The following SCAP variants were observed in gnomAD, a reference collection of about 807,000 sequenced individuals.
The protein encoded by SCAP is sterol regulatory element-binding protein cleavage-activating protein.
A neutral mutation model predicts 123.6 loss-of-function variants in SCAP; 65 were observed. That is an observed-to-expected ratio of 0.53 (90% CI 0.43 to 0.65). The LOEUF is 0.65. Ranked by LOEUF, SCAP falls within the 30% of genes least tolerant of loss-of-function variation. The pLI, the probability that SCAP is intolerant of heterozygous loss-of-function variation, is 0.00. For missense variants in SCAP, 1,398 were observed against 1,712.5 expected (o/e 0.82, Z 3.24); for synonymous variants, 740 against 726.3 (o/e 1.02, Z -0.30).
chr3:47,435,189 C>T (rs563313871), intron 2 of SCAP, 52 bp from the exon 3 acceptor site: 42 of 1,553,800 alleles, frequency 2.7e-5, no homozygotes, highest in Non-Finnish European at 3.4e-5. Context: ...AGGCAGTCCT[C>T]TCTCAGCACT....
At chr3:47,445,909 CT>C (rs535002338) in intron 1 of SCAP, among the ~76,000 whole-genome samples, 1,833 of 140,914 alleles carry the variant, frequency 0.013, 39 homozygotes, top group African/African-American at 0.046. Flanking sequence ...CAGAGTCTTG[CT>C]CTGTCACCAG....
chr3:47,431,170 A>C (rs1422410108), intron 3 of SCAP, among the ~76,000 whole-genome samples: 1 of 33,094 alleles, frequency 3.0e-5, no homozygotes, highest in Non-Finnish European at 7.9e-5. Flanking sequence ...CCAGAACAGA[A>C]GCTCACACAG....
At chr3:47,459,314 A>G (rs1707540786) in intron 1 of SCAP, among the ~76,000 whole-genome samples, 1 of 152,198 alleles carries the variant, frequency 6.6e-6, no homozygotes, top group African/African-American at 2.4e-5. Flanking sequence ...GATTTCCTGC[A>G]AGAAGCGTGC....
At chr3:47,423,009 C>T (rs1028515703) in intron 9 of SCAP, among the ~76,000 whole-genome samples, 2 of 152,196 alleles carry the variant, frequency 1.3e-5, no homozygotes, top group African/African-American at 2.4e-5. Flanking sequence ...CCTGATCCCA[C>T]GCTATCACAC....
chr3:47,414,448 T>C, intron 21 of SCAP, 62 bp from the exon 22 acceptor site: 1 of 1,602,172 alleles, frequency 6.2e-7, no homozygotes, highest in South Asian at 1.1e-5. Context: ...AACAGTGGTG[T>C]CCCTGTGCCC....
At chr3:47,474,138 G>A (rs1251407935) in intron 1 of SCAP, among the ~76,000 whole-genome samples, 3 of 151,988 alleles carry the variant, frequency 2.0e-5, no homozygotes, top group Non-Finnish European at 2.9e-5. Context: ...GGTGGCGGGC[G>A]CCTGTAGTCC....
chr3:47,428,882 A>C, intron 3 of SCAP: 1 of 514,752 alleles, frequency 1.9e-6, no homozygotes, highest in Admixed American at 3.7e-5. Context: ...ATGAGATAAA[A>C]GAACTGGCTG....
Position 47,418,124 on chromosome 3 carries a change from C to A in SCAP, c.2447+10G>T. 1 of 1,545,314 alleles carries A rather than the reference C, an allele frequency of 6.5e-7. No homozygotes were observed. On this transcript the variant is annotated intron_variant, in intron 16 of 22. Coordinates refer to ENST00000265565, the MANE Select transcript of SCAP (RefSeq NM_012235.4). ...GGGGGCACAAAGGAGGAAAGGGCAG[C>A]CGCACCTACCCTGGGCGCGGAATGC... is the stretch of plus-strand genomic sequence containing the variant.
intron 1 of SCAP, among the ~76,000 whole-genome samples, chr3:47,454,093 T>C (rs986696190): frequency 1.6e-4 from 24 of 152,214 alleles, no homozygotes; most frequent in Admixed American, 3.3e-4. Context: ...ACAGGCCGGG[T>C]GCGGTGGCTC....
At chr3:47,437,277 T>C (rs1460497448) in intron 2 of SCAP, among the ~76,000 whole-genome samples, 1 of 150,624 alleles carries the variant, frequency 6.6e-6, no homozygotes, top group Non-Finnish European at 1.5e-5. Flanking sequence ...CTGTCTCTAC[T>C]AAAAATTCAA....
intron 1 of SCAP, among the ~76,000 whole-genome samples, chr3:47,466,983 C>A (rs1222072981): frequency 6.6e-6 from 1 of 151,666 alleles, no homozygotes; most frequent in African/African-American, 2.4e-5. Flanking sequence ...GTTTCAGCTA[C>A]TTGAGAGGCT....
intron 7 of SCAP, among the ~76,000 whole-genome samples, 172 bp downstream of exon 7, chr3:47,425,825 G>A (rs910449688): frequency 1.4e-4 from 21 of 151,946 alleles, no homozygotes; most frequent in Non-Finnish European, 2.8e-4. Flanking sequence ...GAAGAGCCCC[G>A]GCCCCACCCA....
intron 7 of SCAP, 73 bp downstream of exon 7, chr3:47,425,924 C>T (rs1434654980): frequency 3.9e-6 from 6 of 1,543,440 alleles, no homozygotes; most frequent in Non-Finnish European, 5.3e-6. Context: ...ACCTCCAGAG[C>T]CAGGGAAGCA....
chr3:47,428,874 G>A, intron 3 of SCAP: 1 of 531,378 alleles, frequency 1.9e-6, no homozygotes. Flanking sequence ...CTCCGCTTAT[G>A]AGATAAAAGA....
At chr3:47,460,407 T>C (rs1477170498) in intron 1 of SCAP, among the ~76,000 whole-genome samples, 2 of 152,232 alleles carry the variant, frequency 1.3e-5, no homozygotes, top group Non-Finnish European at 2.9e-5. Context: ...TAAGAAATTA[T>C]AAAAGTATTA....
chr3:47,444,443 C>T (rs553658008), intron 1 of SCAP, among the ~76,000 whole-genome samples: 20 of 152,298 alleles, frequency 1.3e-4, no homozygotes, highest in Admixed American at 1.2e-3. Context: ...AAAGCAGAAG[C>T]GTTAAGCGCA....
At chr3:47,471,685 T>G (rs1009134537) in intron 1 of SCAP, among the ~76,000 whole-genome samples, 4 of 152,034 alleles carry the variant, frequency 2.6e-5, no homozygotes, top group Non-Finnish European at 4.4e-5. Flanking sequence ...CCTTGTATAT[T>G]TTATGCTTTC....
Position 47,414,657 on chromosome 3 carries a change from G to A in SCAP, c.3307-5C>T, listed in dbSNP as rs543622809. The A allele has an allele frequency of 1.1e-5, 18 of 1,613,256 alleles. No homozygotes were observed. The Admixed American group carries it at 3.0e-4, about 27-fold the overall frequency. ...CGAGTCCTCCAGACGGAACACCTGG[G>A]ACAGGGATGGGCCTCAGGTTCTGGT... On this transcript the variant is annotated splice_region_variant and splice_polypyrimidine_tract_variant and intron_variant, in intron 20 of 22. Coordinates refer to ENST00000265565, the MANE Select transcript of SCAP (RefSeq NM_012235.4).
At chr3:47,440,786 T>G (rs1706766902) in intron 2 of SCAP, among the ~76,000 whole-genome samples, 1 of 152,078 alleles carries the variant, frequency 6.6e-6, no homozygotes, top group African/African-American at 2.4e-5. Context: ...CTTGAGCCCA[T>G]GAAGTCGAGA....
Sources: gnomAD v4.1 joint callset for allele counts (sites outside exome capture counted in the v4.1 genomes callset) on GRCh38, gnomAD v4.1.1 for gene constraint, MANE v1.5 for transcripts, NCBI Gene and HGNC (gene_info 2026-07-23, HGNC 2026-07-21) for gene names.